Variants in NELL1 observed in about 807,000 individuals in gnomAD.
NELL1 encodes the protein neural EGFL like 1, also known as protein kinase C-binding protein NELL1.
A neutral mutation model predicts 107.4 loss-of-function variants in NELL1; 76 were observed. That is an observed-to-expected ratio of 0.71 (90% CI 0.59 to 0.86). The LOEUF is 0.86. NELL1 is among the 40% of genes least tolerant of loss of function. NELL1 has a pLI of 0.00. For synonymous variants in NELL1, 353 were observed against 341.2 expected, an observed-to-expected ratio of 1.03 and a Z score of -0.38; for missense variants, 1,024 against 1,005.5, an observed-to-expected ratio of 1.02 and a Z score of -0.25.
intron 13 of NELL1, among the ~76,000 whole-genome samples, chr11:21,117,579 TTTTATCAGTAA>T (rs1453375184): frequency 6.6e-6 from 1 of 152,056 alleles, no homozygotes; most frequent in Non-Finnish European, 1.5e-5. Flanking sequence ...ATCATAGCAC[TTTTATCAGTAA>T]GGATAGGATG....
At chr11:20,957,291 A>C (rs954311636) in intron 11 of NELL1, among the ~76,000 whole-genome samples, 3 of 152,226 alleles carry the variant, frequency 2.0e-5, no homozygotes, top group African/African-American at 7.2e-5. Flanking sequence ...AAAATCTTGC[A>C]TTCCTAAAAG....
intron 14 of NELL1, among the ~76,000 whole-genome samples, chr11:21,237,853 C>T (rs747929571): frequency 1.6e-4 from 25 of 152,148 alleles, no homozygotes; most frequent in Non-Finnish European, 2.2e-4. Context: ...TCAGTAAATG[C>T]TGTACTGGCT....
rs75343082 is a variant in NELL1 at position 20,687,563 on chromosome 11, T to C, written c.184+9503T>C. The stretch of plus-strand genomic sequence containing the variant: ...GATAATGTTAAGAATATGGAGTATG[T>C]TTTTTGGTTAAGGTCTTTATGAACT... On this transcript the variant is annotated intron_variant, in intron 2 of 19. Coordinates refer to ENST00000357134, the MANE Select transcript of NELL1 (RefSeq NM_006157.5). 2.4e-4 allele frequency among the ~76,000 whole-genome samples: 37 copies of C among 151,966 alleles called. No individual in the cohort carries two copies. In the East Asian group the frequency reaches 6.4e-3, roughly 26 times the overall value.
At chr11:21,244,472 C>CA (rs1479644465) in intron 14 of NELL1, among the ~76,000 whole-genome samples, 1 of 152,056 alleles carries the variant, frequency 6.6e-6, no homozygotes, top group Non-Finnish European at 1.5e-5. Context: ...GCTGAATGTA[C>CA]AGAGAATAAA....
Position 21,435,107 on chromosome 11 carries a change from A to G in NELL1, c.1645+64159A>G, listed in dbSNP as rs187001429. Among the ~76,000 whole-genome samples the G allele has an allele frequency of 4.8e-3, 691 of 144,808 alleles. 5 individuals carry two copies. Among genetic ancestry groups the G allele is most frequent in the African/African-American group, 0.017 (596 of 34,734 alleles). 95.0% of individuals were successfully genotyped at this position (144,808 alleles called of 152,430 possible). A position where few individuals can be genotyped will look rare whatever the true frequency, so the allele number is the denominator to read the frequency against. Reference sequence around the variant, plus strand: ...TGGGTTTGTGGGGTTTTCTATGTATAAGATTATGTCATCAGTAAAGAGGGA... The same window carrying G: ...TGGGTTTGTGGGGTTTTCTATGTATGAGATTATGTCATCAGTAAAGAGGGA... On this transcript the variant is annotated intron_variant, in intron 15 of 19. Transcript: ENST00000357134.
At chr11:21,002,701 T>C (rs1470884991) in intron 12 of NELL1, among the ~76,000 whole-genome samples, 2 of 152,194 alleles carry the variant, frequency 1.3e-5, no homozygotes, top group African/African-American at 2.4e-5. Flanking sequence ...TTGCCTCATG[T>C]ATTGTGGATC....
intron 10 of NELL1, among the ~76,000 whole-genome samples, chr11:20,945,540 A>T (rs1443227037): frequency 1.3e-5 from 2 of 152,246 alleles, no homozygotes; most frequent in African/African-American, 2.4e-5. Context: ...AAAGGATTCA[A>T]CAGTGTCAGC....
intron 14 of NELL1, among the ~76,000 whole-genome samples, chr11:21,271,029 A>G (rs1351396279): frequency 2.0e-5 from 3 of 152,114 alleles, no homozygotes; most frequent in Non-Finnish European, 4.4e-5. Flanking sequence ...TTAGCATTGA[A>G]TGCACATATT....
At chr11:21,074,629 C>T (rs1854091050) in intron 12 of NELL1, among the ~76,000 whole-genome samples, 1 of 151,922 alleles carries the variant, frequency 6.6e-6, no homozygotes, top group Admixed American at 6.6e-5. Context: ...TAGGTTCAGT[C>T]CTCCAGAGAT....
chr11:21,385,936 C>A (rs1273312777), intron 15 of NELL1, among the ~76,000 whole-genome samples: 2 of 151,802 alleles, frequency 1.3e-5, no homozygotes, highest in African/African-American at 4.8e-5. Flanking sequence ...CCCATAATAT[C>A]CAGTCCCCAT....
At chr11:20,721,810 G>C (rs1489097098) in intron 2 of NELL1, among the ~76,000 whole-genome samples, 1 of 152,084 alleles carries the variant, frequency 6.6e-6, no homozygotes, top group Non-Finnish European at 1.5e-5. Context: ...CTTTGGCTTT[G>C]GCACAGAGAT....
chr11:20,924,376 CA>C (rs934742251), intron 7 of NELL1, among the ~76,000 whole-genome samples: 6 of 152,224 alleles, frequency 3.9e-5, no homozygotes, highest in African/African-American at 1.2e-4. Flanking sequence ...TAGGACTTCT[CA>C]ATGTTGTCAG....
At chr11:20,761,181 G>A (rs577510955) in intron 2 of NELL1, among the ~76,000 whole-genome samples, 65 of 152,288 alleles carry the variant, frequency 4.3e-4, no homozygotes, top group African/African-American at 1.4e-3. Flanking sequence ...CTGTTGTCAT[G>A]AAGTGTCAAT....
intron 14 of NELL1, among the ~76,000 whole-genome samples, chr11:21,287,175 T>G (rs1322003717): frequency 6.6e-6 from 1 of 152,222 alleles, no homozygotes; most frequent in Non-Finnish European, 1.5e-5. Flanking sequence ...TATCTGCTGA[T>G]TCATCAAGTC....
intron 16 of NELL1, among the ~76,000 whole-genome samples, chr11:21,544,060 TAAAG>T (rs1856366816): frequency 6.6e-6 from 1 of 151,750 alleles, no homozygotes; most frequent in African/African-American, 2.4e-5. Flanking sequence ...TGACTAGTCA[TAAAG>T]AAAAAGAAAA....
intron 2 of NELL1, among the ~76,000 whole-genome samples, chr11:20,683,527 C>T (rs77483698): frequency 0.048 from 7,366 of 152,006 alleles, 241 homozygotes; most frequent in Non-Finnish European, 0.074. Flanking sequence ...GTGCTCTTGC[C>T]GTTTCTGTTT....
chr11:21,441,812 A>G (rs1853292970), intron 15 of NELL1, among the ~76,000 whole-genome samples: 1 of 152,128 alleles, frequency 6.6e-6, no homozygotes, highest in Non-Finnish European at 1.5e-5. Context: ...TAAACAGATA[A>G]TCCTGTACCA....
intron 15 of NELL1, among the ~76,000 whole-genome samples, chr11:21,395,118 CATT>C (rs954377833): frequency 2.0e-5 from 3 of 151,324 alleles, no homozygotes; most frequent in African/African-American, 7.3e-5. Flanking sequence ...TACAGAAAAC[CATT>C]AAGAAATAGA....
chr11:20,887,098 T>C (rs1389485748), intron 5 of NELL1, among the ~76,000 whole-genome samples: 2 of 152,184 alleles, frequency 1.3e-5, no homozygotes, highest in African/African-American at 4.8e-5. Flanking sequence ...ATGGAATCAT[T>C]TATGTGTGTG....
Sources: gnomAD v4.1 joint callset for allele counts (sites outside exome capture counted in the v4.1 genomes callset) on GRCh38, gnomAD v4.1.1 for gene constraint, MANE v1.5 for transcripts, NCBI Gene and HGNC (gene_info 2026-07-23, HGNC 2026-07-21) for gene names.